PPFIA1: variants seen among roughly 807,000 people sequenced by gnomAD.
PPFIA1 encodes liprin-alpha-1.
Under a neutral mutation model 149.9 loss-of-function variants are expected in PPFIA1, and 25 were observed. That is an observed-to-expected ratio of 0.17 (90% CI 0.12 to 0.23). The LOEUF is 0.23. PPFIA1 is among the 10% of genes least tolerant of loss of function. The pLI, the probability that PPFIA1 is intolerant of heterozygous loss-of-function variation, is 1.00. For missense variants in PPFIA1, 1,362 were observed against 1,506.5 expected, an observed-to-expected ratio of 0.90 and a Z score of 1.59; for synonymous variants, 549 against 552.8, an observed-to-expected ratio of 0.99 and a Z score of 0.10.
chr11:70,317,885 C>T (rs549127473), intron 2 of PPFIA1, among the ~76,000 whole-genome samples: 10 of 152,220 alleles, frequency 6.6e-5, no homozygotes, highest in African/African-American at 1.9e-4. Flanking sequence ...TTAAAGGTGA[C>T]GAAATTTGTT....
intron 2 of PPFIA1, among the ~76,000 whole-genome samples, chr11:70,310,664 G>A (rs1340706176): frequency 6.6e-6 from 1 of 152,076 alleles, no homozygotes; most frequent in Non-Finnish European, 1.5e-5. Context: ...GATTACAGGC[G>A]TGAGCCACCA....
intron 15 of PPFIA1, chr11:70,346,135 A>T: frequency 3.0e-6 from 1 of 332,902 alleles, no homozygotes; most frequent in South Asian, 2.2e-5. Context: ...TTTTATATTT[A>T]TGAAGAGACC....
rs1440486617 is a variant in PPFIA1, at chr11:70,382,145, A to G, written c.3608A>G (p.Ter1203=). 10 of 1,613,486 alleles carry G rather than the reference A, an allele frequency of 6.2e-6. No individual in the cohort carries two copies. In the East Asian group the frequency reaches 1.3e-4, roughly 22 times the overall value. Reference sequence around the variant, plus strand: ...GCTACAGTCAGGACTTACTCCTGCTAAAGTCTCCTGTTGGTGAGTAGAGAG... The same window carrying G: ...GCTACAGTCAGGACTTACTCCTGCTGAAGTCTCCTGTTGGTGAGTAGAGAG... ...DSATVRTYSC[*] Residue 1203 remains the stop codon, a stop_retained_variant, in exon 27 of 28, where the codon TAA becomes TGA. Transcript: ENST00000253925.
At chr11:70,283,964 A>G (rs1303800390) in intron 2 of PPFIA1, 6 of 530,110 alleles carry the variant, frequency 1.1e-5, no homozygotes, top group South Asian at 8.4e-5. Flanking sequence ...GCTTTTCTCA[A>G]GTATTGCTGT....
At chr11:70,331,498 G>A (rs1482150185) in intron 8 of PPFIA1, among the ~76,000 whole-genome samples, 1 of 152,142 alleles carries the variant, frequency 6.6e-6, no homozygotes, top group Non-Finnish European at 1.5e-5. Context: ...ACCTTACCCA[G>A]GCCGGGCACA....
In PPFIA1 at chr11:70,348,753, C is replaced by G. The variant is rs148311890; in HGVS notation, c.2163+333C>G. ...GGGCCTGGTGGTGTGTGCCTGTAGT[C>G]CCAGCTACTCTGGAGGTTGAGGTGG... On this transcript the variant is annotated intron_variant, in intron 16 of 27. Coordinates refer to ENST00000253925, the MANE Select transcript of PPFIA1 (RefSeq NM_003626.5). Among the ~76,000 whole-genome samples, 555 of 152,144 alleles carry G rather than the reference C, an allele frequency of 3.6e-3. 3 individuals are homozygous for G. Among genetic ancestry groups the G allele is most frequent in the African/African-American group, 0.013 (527 of 41,496 alleles).
intron 8 of PPFIA1, among the ~76,000 whole-genome samples, 182 bp from the exon 9 acceptor site, chr11:70,331,778 T>TCAAAAACAAAAA (rs71049906): frequency 1.3e-5 from 2 of 150,254 alleles, no homozygotes; most frequent in East Asian, 1.9e-4. Flanking sequence ...AGACTATGTC[T>TCAAAAACAAAAA]CAAAAACAAA....
chr11:70,331,771 C>G (rs1809478464), intron 8 of PPFIA1, among the ~76,000 whole-genome samples, 189 bp from the exon 9 acceptor site: 1 of 147,258 alleles, frequency 6.8e-6, no homozygotes, highest in African/African-American at 2.6e-5. Context: ...CAAAGCGAGA[C>G]TATGTCTCAA....
chr11:70,361,724 T>G (rs776695453), intron 19 of PPFIA1, among the ~76,000 whole-genome samples: 7 of 151,922 alleles, frequency 4.6e-5, no homozygotes, highest in Non-Finnish European at 7.4e-5. Flanking sequence ...CAGGCAATCC[T>G]TCCACCTCAG....
At position 70,272,301 on chromosome 11, in the gene PPFIA1, G is replaced by C; in HGVS notation, c.129G>C (p.Met43Ile). ...DSHFEQLMVS[M>I]LEERDRLLDT... ...ATTTTGAACAGTTGATGGTCTCCATGCTAGAAGAAAGGGACCGCCTTCTTG... is the reference window on the plus strand; with the variant it reads ...ATTTTGAACAGTTGATGGTCTCCATCCTAGAAGAAAGGGACCGCCTTCTTG... Residue 43 changes from methionine (M) to isoleucine (I), a missense_variant, in exon 2 of 28, where the codon ATG becomes ATC. Physicochemically the swap from Met to Ile is conservative, Grantham distance 10 (BLOSUM62 1). Transcript: ENST00000253925. 1 of 1,614,218 alleles carries C rather than the reference G, an allele frequency of 6.2e-7. No individual in the cohort carries two copies. Among genetic ancestry groups the C allele is most frequent in the Non-Finnish European group, 8.5e-7 (1 of 1,180,050 alleles).
intron 19 of PPFIA1, chr11:70,358,415 G>A (rs148948728): frequency 6.6e-6 from 1 of 152,142 alleles, no homozygotes; most frequent in African/African-American, 2.4e-5. Flanking sequence ...TAGAGATGGG[G>A]TTTCACCATG....
chr11:70,329,669 T>G (rs765111069), intron 7 of PPFIA1, among the ~76,000 whole-genome samples: 8 of 152,174 alleles, frequency 5.3e-5, no homozygotes, highest in Non-Finnish European at 1.0e-4. Context: ...CCTGTAATCC[T>G]AACACTTTGG....
At position 70,372,577 on chromosome 11, in the gene PPFIA1, T is replaced by G; in HGVS notation, c.3139+3T>G. The G allele has an allele frequency of 6.2e-7, 1 of 1,600,940 alleles. No individual in the cohort carries two copies. The highest frequency in any genetic ancestry group is 1.1e-5 in the South Asian group (1 of 90,676). ...AGAAAGTCAGAGTGAAATAAAAGGT[T>G]AGTACATGACATTTAATTGATTCGG... is the stretch of plus-strand genomic sequence containing the variant. On this transcript the variant is annotated splice_donor_region_variant and intron_variant, in intron 23 of 27. Coordinates refer to ENST00000253925, the MANE Select transcript of PPFIA1 (RefSeq NM_003626.5).
At chr11:70,333,143 G>A in intron 9 of PPFIA1, 1 of 488,454 alleles carries the variant, frequency 2.0e-6, no homozygotes, top group South Asian at 1.5e-5. Context: ...GCTGCTTTCT[G>A]CTTTCCATGC....
At chr11:70,309,706 C>T (rs1043643271) in intron 2 of PPFIA1, among the ~76,000 whole-genome samples, 11 of 151,798 alleles carry the variant, frequency 7.2e-5, no homozygotes, top group African/African-American at 1.7e-4. Flanking sequence ...ACAACATGTC[C>T]GACCCTTGAA....
In PPFIA1 at chr11:70,372,498, T is replaced by A; in HGVS notation, c.3063T>A (p.Ile1021=). 6.2e-7 allele frequency: 1 copy of A among 1,614,012 alleles called. No individual in the cohort carries two copies. The part of the protein sequence containing the change: ...SFHRNSFQCG[I]MCLRRLNYDR... Reference sequence around the variant, plus strand: ...ATAGAAACAGTTTCCAGTGTGGAATTATGTGCCTGAGAAGGTTAAATTATG... The same window carrying A: ...ATAGAAACAGTTTCCAGTGTGGAATAATGTGCCTGAGAAGGTTAAATTATG... Residue 1021 remains isoleucine, a synonymous_variant, in exon 23 of 28, where the codon ATT becomes ATA. Transcript: ENST00000253925.
chr11:70,341,681 C>T (rs987170549), intron 14 of PPFIA1, among the ~76,000 whole-genome samples: 1 of 152,158 alleles, frequency 6.6e-6, no homozygotes, highest in Non-Finnish European at 1.5e-5. Flanking sequence ...GATGACACCA[C>T]CTCATGGGTG....
intron 16 of PPFIA1, among the ~76,000 whole-genome samples, chr11:70,353,767 G>A (rs1452407362): frequency 2.0e-5 from 3 of 152,172 alleles, no homozygotes; most frequent in African/African-American, 7.2e-5. Flanking sequence ...GTGTATGGGG[G>A]TCATGGGCTG....
Position 70,338,463 on chromosome 11 carries a change from T to C in PPFIA1, c.1571+10T>C, listed in dbSNP as rs1215393447. 1 of 1,598,436 alleles carries C rather than the reference T, an allele frequency of 6.3e-7. No individual in the cohort carries two copies. Among genetic ancestry groups the C allele is most frequent in the Non-Finnish European group, 8.6e-7 (1 of 1,166,366 alleles). On this transcript the variant is annotated intron_variant, in intron 13 of 27. Coordinates refer to ENST00000253925, the MANE Select transcript of PPFIA1 (RefSeq NM_003626.5). Reference sequence around the variant, plus strand: ...CTTCACTTCATCATGGGTATGGTATTAACCAGTGAGCAGCCATATTGTCAG... The same window carrying C: ...CTTCACTTCATCATGGGTATGGTATCAACCAGTGAGCAGCCATATTGTCAG...
Sources: gnomAD v4.1 joint callset for allele counts (sites outside exome capture counted in the v4.1 genomes callset) on GRCh38, gnomAD v4.1.1 for gene constraint, MANE v1.5 for transcripts, NCBI Gene and HGNC (gene_info 2026-07-23, HGNC 2026-07-21) for gene names.